CFAP299: variants seen among roughly 807,000 people sequenced by gnomAD.
The protein encoded by CFAP299 is cilia- and flagella-associated protein 299.
A neutral mutation model predicts 27.0 loss-of-function variants in CFAP299; 21 were observed. The ratio of observed to expected loss-of-function variants is 0.78; its 90% CI spans 0.55 to 1.12. The LOEUF (loss-of-function observed/expected upper bound fraction) is 1.12, where lower values mean the gene tolerates loss of function less well. CFAP299 is among the 50% of genes most tolerant of loss of function. The probability of loss-of-function intolerance (pLI) is 0.00; values close to 1 mark genes in which losing one functional copy is unlikely to be tolerated. For synonymous variants in CFAP299, 104 were observed against 98.1 expected (o/e 1.06, Z -0.36); for missense variants, 310 against 276.6 (o/e 1.12, Z -0.86).
chr4:80,879,561 A>G (rs1733584026), intron 4 of CFAP299, among the ~76,000 whole-genome samples: 1 of 152,140 alleles, frequency 6.6e-6, no homozygotes, highest in African/African-American at 2.4e-5. Context: ...GGATCTAAAA[A>G]TCTCATCTCT....
chr4:80,386,642 C>G, intron 2 of CFAP299: 2 of 1,595,040 alleles, frequency 1.3e-6, no homozygotes, highest in South Asian at 1.1e-5. Context: ...CTTGTAGTAG[C>G]CCGTGTGGGC....
At position 80,830,320 on chromosome 4, in the gene CFAP299, C is replaced by T. The variant is rs72881530; in HGVS notation, c.334-39673C>T. Among the ~76,000 whole-genome samples, 1,410 of 152,048 alleles carry T rather than the reference C, an allele frequency of 9.3e-3. 19 individuals are homozygous for T. The highest frequency in any genetic ancestry group is 0.031 in the African/African-American group (1,305 of 41,488). On this transcript the variant is annotated intron_variant, in intron 3 of 5. Transcript: ENST00000358105. ...ATATGTATTATGATAGGGAACAGGT[C>T]CCTTTACAAGTCCATAGAAAAATAT...
intron 2 of CFAP299, among the ~76,000 whole-genome samples, chr4:80,526,586 A>AC (rs1416157511): frequency 6.6e-6 from 1 of 152,128 alleles, no homozygotes; most frequent in African/African-American, 2.4e-5. Flanking sequence ...TATCTGTACA[A>AC]CCCTACATTT....
intron 4 of CFAP299, among the ~76,000 whole-genome samples, chr4:80,926,731 G>A (rs1361612612): frequency 6.6e-6 from 1 of 151,790 alleles, no homozygotes; most frequent in African/African-American, 2.4e-5. Context: ...AATAGAGGGA[G>A]GAAAATAATC....
intron 5 of CFAP299, among the ~76,000 whole-genome samples, chr4:80,948,364 C>CCCGCAG (rs1737581157): frequency 1.3e-5 from 2 of 152,166 alleles, no homozygotes; most frequent in African/African-American, 4.8e-5. Flanking sequence ...CTTTAACTTC[C>CCCGCAG]CTGCAGCTGT....
rs973269406 is a variant in CFAP299, at chr4:80,690,635, T to C, written c.333+107452T>C. On this transcript the variant is annotated intron_variant, in intron 3 of 5. Coordinates refer to ENST00000358105, the MANE Select transcript of CFAP299 (RefSeq NM_152770.3). ...ACCCTAACATCACAATTAAAAGAAC[T>C]AGAAAAGCAAGAACAAACACATTCA... Among the ~76,000 whole-genome samples the C allele has an allele frequency of 3.3e-3, 495 of 152,062 alleles. 2 individuals carry two copies. The highest frequency in any genetic ancestry group is 5.7e-3 in the Non-Finnish European group (387 of 67,964).
At chr4:80,630,567 A>C (rs2109945585) in intron 3 of CFAP299, among the ~76,000 whole-genome samples, 1 of 152,186 alleles carries the variant, frequency 6.6e-6, no homozygotes, top group South Asian at 2.1e-4. Context: ...ATCGTAGAAA[A>C]TACTGTAGTG....
intron 3 of CFAP299, among the ~76,000 whole-genome samples, chr4:80,742,528 A>G (rs1055011642): frequency 6.6e-6 from 1 of 152,142 alleles, no homozygotes; most frequent in African/African-American, 2.4e-5. Context: ...TCATAGATTG[A>G]TTTAAGGGTT....
At chr4:80,712,215 C>T (rs1343107303) in intron 3 of CFAP299, among the ~76,000 whole-genome samples, 4 of 152,158 alleles carry the variant, frequency 2.6e-5, no homozygotes, top group Non-Finnish European at 5.9e-5. Context: ...GTCCAACAGC[C>T]ATACTCTCCT....
Position 80,486,773 on chromosome 4 carries a change from G to T in CFAP299, c.243-96320G>T, listed in dbSNP as rs186161648. Among the ~76,000 whole-genome samples, 771 of 152,296 alleles carry T rather than the reference G, an allele frequency of 5.1e-3. 5 individuals carry two copies. The highest frequency in any genetic ancestry group is 0.017 in the Middle Eastern group (5 of 294). On this transcript the variant is annotated intron_variant, in intron 2 of 5. Coordinates refer to ENST00000358105, the MANE Select transcript of CFAP299 (RefSeq NM_152770.3). ...CTGGGTAGCTCTAAAAGTTTTTTGA[G>T]TCTCAGTTTCTATAGCCTCTGTAGG...
chr4:80,812,309 GCA>G (rs553656063), intron 3 of CFAP299, among the ~76,000 whole-genome samples: 204 of 152,150 alleles, frequency 1.3e-3, no homozygotes, highest in African/African-American at 4.7e-3. Context: ...AGGTGTGGGT[GCA>G]CACACTGACA....
intron 4 of CFAP299, among the ~76,000 whole-genome samples, chr4:80,875,916 G>T: frequency 6.6e-6 from 1 of 151,812 alleles, no homozygotes; most frequent in South Asian, 2.1e-4. Flanking sequence ...GCCTAGTCAT[G>T]ATATTCTTTG....
At chr4:80,813,150 T>A (rs1183177977) in intron 3 of CFAP299, among the ~76,000 whole-genome samples, 1 of 152,078 alleles carries the variant, frequency 6.6e-6, no homozygotes, top group African/African-American at 2.4e-5. Context: ...TTTCTGCCTA[T>A]ATGCACAAAT....
At chr4:80,387,213 C>G in intron 2 of CFAP299, 3 of 1,417,128 alleles carry the variant, frequency 2.1e-6, no homozygotes, top group Admixed American at 3.3e-5. Context: ...ACGCTCAGGT[C>G]GTACATCGGG....
At chr4:80,683,495 G>A (rs1408115942) in intron 3 of CFAP299, among the ~76,000 whole-genome samples, 1 of 152,100 alleles carries the variant, frequency 6.6e-6, no homozygotes, top group Non-Finnish European at 1.5e-5. Context: ...AAGTATACCT[G>A]GAAAATATCT....
chr4:80,349,119 T>C (rs1252867531), intron 1 of CFAP299, among the ~76,000 whole-genome samples: 1 of 152,118 alleles, frequency 6.6e-6, no homozygotes, highest in Non-Finnish European at 1.5e-5. Context: ...ATTTTAATGG[T>C]AGGGGCATTC....
intron 2 of CFAP299, among the ~76,000 whole-genome samples, chr4:80,552,127 T>A (rs1734552194): frequency 1.3e-5 from 2 of 152,222 alleles, no homozygotes; most frequent in South Asian, 4.1e-4. Context: ...TGTGTTTAAA[T>A]ACAAATGGTC....
At chr4:80,691,406 T>C (rs1156387320) in intron 3 of CFAP299, among the ~76,000 whole-genome samples, 2 of 148,032 alleles carry the variant, frequency 1.4e-5, no homozygotes, top group African/African-American at 5.0e-5. Context: ...AATCAATAAA[T>C]GTAATCCAGC....
intron 3 of CFAP299, among the ~76,000 whole-genome samples, chr4:80,799,308 TTATA>T (rs1318593208): frequency 9.5e-6 from 1 of 104,862 alleles, no homozygotes; most frequent in Non-Finnish European, 1.7e-5. Context: ...TATATAATAT[TTATA>T]TATATAAATA....
Sources: allele counts gnomAD v4.1 joint callset (sites outside exome capture counted in the v4.1 genomes callset), GRCh38; gene constraint gnomAD v4.1.1; transcripts MANE v1.5; gene names NCBI Gene and HGNC (gene_info 2026-07-23, HGNC 2026-07-21).